SLC24A2: variants seen among roughly 807,000 people sequenced by gnomAD.
SLC24A2 encodes sodium/potassium/calcium exchanger 2.
In SLC24A2, 36 loss-of-function variants were observed where a neutral mutation model predicts 62.0. That is an observed-to-expected ratio of 0.58 (90% CI 0.44 to 0.77). The LOEUF (loss-of-function observed/expected upper bound fraction) is 0.77. Ranked by LOEUF, SLC24A2 falls within the 30% of genes least tolerant of loss-of-function variation. The pLI is 0.00. For synonymous variants in SLC24A2, 358 were observed against 294.0 expected, an observed-to-expected ratio of 1.22 and a Z score of -2.23; for missense variants, 846 against 817.9, an observed-to-expected ratio of 1.03 and a Z score of -0.42.
intron 2 of SLC24A2, among the ~76,000 whole-genome samples, chr9:19,741,539 G>A (rs925502613): frequency 6.6e-6 from 1 of 152,134 alleles, no homozygotes; most frequent in Non-Finnish European, 1.5e-5. Flanking sequence ...AATAATTCTA[G>A]CCTTTTCTCT....
chr9:19,724,553 G>T (rs1453433900), intron 2 of SLC24A2, among the ~76,000 whole-genome samples: 2 of 152,104 alleles, frequency 1.3e-5, no homozygotes, highest in East Asian at 1.9e-4. Context: ...CCTGCTAAAA[G>T]CTAACATTAT....
chr9:20,086,957 T>C, the SLC24A2 span, among the ~76,000 whole-genome samples: 1 of 152,174 alleles, frequency 6.6e-6, no homozygotes. Context: ...TGCTCTTCCC[T>C]AGAATGATGT....
chr9:20,103,514 G>A, the SLC24A2 span, among the ~76,000 whole-genome samples: 5 of 152,300 alleles, frequency 3.3e-5, no homozygotes, highest in South Asian at 4.2e-4. Flanking sequence ...CCAGAGGAAC[G>A]AGCAGACAAC....
the SLC24A2 span, among the ~76,000 whole-genome samples, chr9:20,223,450 A>G: frequency 6.6e-6 from 1 of 152,302 alleles, no homozygotes; most frequent in African/African-American, 2.4e-5. Context: ...CACAGCAACA[A>G]CAACAGAAAA....
the SLC24A2 span, among the ~76,000 whole-genome samples, chr9:20,048,105 C>A: frequency 6.6e-6 from 1 of 152,136 alleles, no homozygotes; most frequent in Non-Finnish European, 1.5e-5. Context: ...ACAGCTACCA[C>A]TTATTGAGCA....
the SLC24A2 span, among the ~76,000 whole-genome samples, chr9:19,835,515 A>G: frequency 4.6e-5 from 7 of 152,234 alleles, no homozygotes; most frequent in African/African-American, 1.2e-4. Context: ...CAATTCAACA[A>G]GAAGACCTAA....
At chr9:20,067,968 C>T in the SLC24A2 span, among the ~76,000 whole-genome samples, 1 of 151,848 alleles carries the variant, frequency 6.6e-6, no homozygotes, top group African/African-American at 2.4e-5. Flanking sequence ...CTGCTTTCCA[C>T]AGTGGCTGAA....
chr9:19,982,574 G>A, the SLC24A2 span, among the ~76,000 whole-genome samples: 2 of 152,294 alleles, frequency 1.3e-5, no homozygotes, highest in African/African-American at 2.4e-5. Flanking sequence ...GATGTGATTA[G>A]ACTGGCTTCA....
chr9:19,675,645 G>T (rs1179247575), intron 2 of SLC24A2, among the ~76,000 whole-genome samples: 1 of 152,038 alleles, frequency 6.6e-6, no homozygotes, highest in East Asian at 1.9e-4. Flanking sequence ...GGGAAAGCCG[G>T]CAGTTACAGG....
chr9:20,281,877 C>G, the SLC24A2 span, among the ~76,000 whole-genome samples: 2 of 152,096 alleles, frequency 1.3e-5, no homozygotes, highest in East Asian at 1.9e-4. Context: ...GAACAACGTA[C>G]ATTTATTTAA....
chr9:19,527,949 A>G, intron 9 of SLC24A2, 100 bp downstream of exon 9: 1 of 765,848 alleles, frequency 1.3e-6, no homozygotes. Flanking sequence ...CACACCCAAT[A>G]CTGTTGTGGC....
the SLC24A2 span, among the ~76,000 whole-genome samples, chr9:20,154,964 T>A: frequency 1.3e-5 from 2 of 151,548 alleles, no homozygotes; most frequent in African/African-American, 4.8e-5. Context: ...CATCTCGCTA[T>A]CAGGGAAAAA....
At chr9:19,665,222 A>G (rs1405365914) in intron 2 of SLC24A2, among the ~76,000 whole-genome samples, 1 of 152,142 alleles carries the variant, frequency 6.6e-6, no homozygotes, top group Admixed American at 6.6e-5. Context: ...AATGCATGGG[A>G]GATTGTTTAG....
chr9:19,520,955 C>G lies in SLC24A2; in HGVS notation c.1675G>C (p.Gly559Arg), dbSNP rs762732246. Residue 559 changes from glycine (G) to arginine (R), a missense_variant, in exon 10 of 11, where the codon GGG (glycine) becomes CGG (arginine). Transcript: ENST00000341998. ...CTGGACACAGCCATGTCCCCTAACC[C>G]CTTCCGGGCCACTATGACACTGGTG... is the stretch of plus-strand genomic sequence containing the variant. ...LITSVIVARKGLGDMAVSSSV... is the reference protein window; with the variant it reads ...LITSVIVARKRLGDMAVSSSV... 6.2e-7 allele frequency: 1 copy of G among 1,614,064 alleles called. No individual in the cohort carries two copies. Among genetic ancestry groups the G allele is most frequent in the Non-Finnish European group, 8.5e-7 (1 of 1,180,004 alleles).
At chr9:20,287,024 T>A in the SLC24A2 span, among the ~76,000 whole-genome samples, 1 of 152,172 alleles carries the variant, frequency 6.6e-6, no homozygotes, top group African/African-American at 2.4e-5. Flanking sequence ...GGGCTTTGGA[T>A]TCAGTGAGTC....
At chr9:19,622,054 G>C (rs62563276) in intron 3 of SLC24A2, among the ~76,000 whole-genome samples, 16,920 of 152,162 alleles carry the variant, frequency 0.11, 1,227 homozygotes, top group African/African-American at 0.21. Context: ...TTGAAACCTA[G>C]TCCCAGAAGG....
chr9:19,793,315 A>T (rs1363983050), upstream of SLC24A2, among the ~76,000 whole-genome samples: 2 of 152,218 alleles, frequency 1.3e-5, no homozygotes, highest in African/African-American at 4.8e-5. Flanking sequence ...GAACACTGCC[A>T]TTTGCTGTTG....
the SLC24A2 span, among the ~76,000 whole-genome samples, chr9:20,305,788 T>A: frequency 6.6e-6 from 1 of 152,200 alleles, no homozygotes; most frequent in African/African-American, 2.4e-5. Flanking sequence ...TTGCCAGGGT[T>A]GCCTTAACAA....
chr9:20,165,824 AAAT>A, the SLC24A2 span, among the ~76,000 whole-genome samples: 27 of 152,026 alleles, frequency 1.8e-4, no homozygotes, highest in Non-Finnish European at 3.7e-4. Flanking sequence ...TTTGCATAAA[AAAT>A]AAACACACCA....
Sources: allele counts gnomAD v4.1 joint callset (sites outside exome capture counted in the v4.1 genomes callset), GRCh38; gene constraint gnomAD v4.1.1; transcripts MANE v1.5; gene names NCBI Gene and HGNC (gene_info 2026-07-23, HGNC 2026-07-21).